Variants in CCSER1 observed in about 807,000 individuals in gnomAD.
CCSER1 encodes the protein serine-rich coiled-coil domain-containing protein 1.
Under a neutral mutation model 82.0 loss-of-function variants are expected in CCSER1, and 41 were observed. That is an observed-to-expected ratio of 0.50 (90% CI 0.39 to 0.65). CCSER1 has a LOEUF of 0.65. CCSER1 is among the 30% of genes least tolerant of loss of function. CCSER1 has a pLI of 0.00. For missense variants in CCSER1, 1,119 were observed against 1,064.2 expected (o/e 1.05, Z -0.72); for synonymous variants, 414 against 383.9 (o/e 1.08, Z -0.92).
intron 5 of CCSER1, among the ~76,000 whole-genome samples, chr4:90,539,334 T>C (rs557959175): frequency 6.6e-6 from 1 of 152,202 alleles, no homozygotes; most frequent in African/African-American, 2.4e-5. Context: ...AGGGATTCAC[T>C]GATGCAGCCT....
chr4:91,349,845 A>G (rs1031095347), intron 10 of CCSER1, among the ~76,000 whole-genome samples: 52 of 143,454 alleles, frequency 3.6e-4, no homozygotes, highest in African/African-American at 1.6e-3. Context: ...CAATTTGTCA[A>G]TTACAGTTTA....
intron 4 of CCSER1, among the ~76,000 whole-genome samples, chr4:90,422,606 A>G (rs912632697): frequency 6.6e-6 from 1 of 152,108 alleles, no homozygotes; most frequent in Middle Eastern, 3.4e-3. Context: ...CTCTCTTTCT[A>G]TAAGATCAAT....
chr4:91,314,576 C>T (rs1745699786), intron 10 of CCSER1, among the ~76,000 whole-genome samples: 1 of 151,914 alleles, frequency 6.6e-6, no homozygotes, highest in Non-Finnish European at 1.5e-5. Context: ...TCTCTGGCTT[C>T]CTCCCTCTAC....
At chr4:90,675,210 G>C (rs1733608020) in intron 6 of CCSER1, among the ~76,000 whole-genome samples, 1 of 152,050 alleles carries the variant, frequency 6.6e-6, no homozygotes, top group African/African-American at 2.4e-5. Context: ...TGAAAGAGAA[G>C]ATCTGTCAAA....
chr4:91,401,432 G>T (rs1036107941), intron 10 of CCSER1, among the ~76,000 whole-genome samples: 6 of 150,398 alleles, frequency 4.0e-5, no homozygotes, highest in Admixed American at 2.7e-4. Flanking sequence ...AAGTTCTAGG[G>T]TACATGTGCA....
chr4:90,670,257 A>AGGT (rs1159332865), intron 6 of CCSER1, among the ~76,000 whole-genome samples: 1 of 152,098 alleles, frequency 6.6e-6, no homozygotes, highest in Non-Finnish European at 1.5e-5. Context: ...GTTGTATCTC[A>AGGT]GGTTGGGATC....
At chr4:90,140,960 C>A (rs530915817) in intron 1 of CCSER1, among the ~76,000 whole-genome samples, 1 of 151,772 alleles carries the variant, frequency 6.6e-6, no homozygotes, top group African/African-American at 2.4e-5. Context: ...CCACCGCGCC[C>A]GGCCTTGGTC....
At chr4:90,520,216 ATATAAT>A (rs1772900571) in intron 5 of CCSER1, among the ~76,000 whole-genome samples, 1 of 151,512 alleles carries the variant, frequency 6.6e-6, no homozygotes, top group South Asian at 2.1e-4. Flanking sequence ...TATTATTCTA[ATATAAT>A]TATATATGAT....
intron 1 of CCSER1, among the ~76,000 whole-genome samples, chr4:90,215,576 TA>T (rs138425015): frequency 0.041 from 6,165 of 151,930 alleles, 318 homozygotes; most frequent in East Asian, 0.25. Flanking sequence ...CACACCTGGT[TA>T]AAAAAAATAA....
intron 3 of CCSER1, among the ~76,000 whole-genome samples, chr4:90,376,291 G>A (rs749218921): frequency 6.6e-6 from 1 of 152,134 alleles, no homozygotes; most frequent in Non-Finnish European, 1.5e-5. Flanking sequence ...ATCTGAAAAG[G>A]CAGTACAACA....
chr4:90,290,621 GTCTC>G (rs142052761), intron 1 of CCSER1, among the ~76,000 whole-genome samples: 247 of 151,440 alleles, frequency 1.6e-3, no homozygotes, highest in African/African-American at 5.6e-3. Flanking sequence ...CGGTACAACT[GTCTC>G]TCTCTCTCTC....
intron 1 of CCSER1, among the ~76,000 whole-genome samples, chr4:90,253,954 T>C (rs1358390166): frequency 2.6e-5 from 4 of 152,202 alleles, no homozygotes; most frequent in Non-Finnish European, 5.9e-5. Context: ...CATAGATTGC[T>C]CTACAGTCTG....
At chr4:90,521,597 A>C (rs1022515358) in intron 5 of CCSER1, among the ~76,000 whole-genome samples, 4 of 152,168 alleles carry the variant, frequency 2.6e-5, no homozygotes, top group Non-Finnish European at 5.9e-5. Flanking sequence ...TATAAAATTA[A>C]ATTGTAGTCA....
chr4:90,210,492 G>A (rs1371304800), intron 1 of CCSER1, among the ~76,000 whole-genome samples: 2 of 147,152 alleles, frequency 1.4e-5, no homozygotes, highest in Admixed American at 6.9e-5. Flanking sequence ...TGCCCAGGCT[G>A]AAGTGAAGTG....
At chr4:91,482,514 A>G (rs1033736129) in intron 10 of CCSER1, among the ~76,000 whole-genome samples, 2 of 151,980 alleles carry the variant, frequency 1.3e-5, no homozygotes, top group African/African-American at 4.8e-5. Flanking sequence ...AACTAGTTCA[A>G]CCATTCTGGA....
intron 10 of CCSER1, among the ~76,000 whole-genome samples, chr4:91,297,365 T>TTGTGTGTG (rs764634343): frequency 1.0e-4 from 13 of 128,814 alleles, no homozygotes; most frequent in Non-Finnish European, 1.8e-4. Context: ...GAATGGATGC[T>TTGTGTGTG]TGTGTGTGTG....
chr4:91,198,809 T>C (rs886983001), intron 10 of CCSER1, among the ~76,000 whole-genome samples: 6 of 152,126 alleles, frequency 3.9e-5, no homozygotes, highest in Non-Finnish European at 1.5e-5. Context: ...CTAGCCTGAG[T>C]TTAAGCAAAA....
At chr4:90,307,788 A>G (rs1008166948) in intron 1 of CCSER1, among the ~76,000 whole-genome samples, 4 of 152,184 alleles carry the variant, frequency 2.6e-5, no homozygotes, top group Non-Finnish European at 5.9e-5. Context: ...CGTGTGGTGT[A>G]AAATGAAAAT....
chr4:91,217,948 C>T (rs560097925), intron 10 of CCSER1, among the ~76,000 whole-genome samples: 25 of 152,352 alleles, frequency 1.6e-4, no homozygotes, highest in Non-Finnish European at 2.9e-4. Context: ...GAGCTGCCTG[C>T]CAGTCCTGCG....
Sources: gnomAD v4.1 joint callset for allele counts (sites outside exome capture counted in the v4.1 genomes callset) on GRCh38, gnomAD v4.1.1 for gene constraint, MANE v1.5 for transcripts, NCBI Gene and HGNC (gene_info 2026-07-23, HGNC 2026-07-21) for gene names.